GTF2IRD2B: variants seen among roughly 807,000 people sequenced by gnomAD.
GTF2IRD2B encodes GTF2I repeat domain containing 2B, also known as general transcription factor II-I repeat domain-containing protein 2B.
Under a neutral mutation model 55.6 loss-of-function variants are expected in GTF2IRD2B, and 10 were observed. The observed-to-expected ratio is 0.18, with a 90% CI of 0.11 to 0.31. The LOEUF (loss-of-function observed/expected upper bound fraction) is 0.31. Ranked by LOEUF, GTF2IRD2B falls within the 10% of genes least tolerant of loss-of-function variation. GTF2IRD2B has a pLI of 1.00. For missense variants in GTF2IRD2B, 206 were observed against 802.7 expected (o/e 0.26, Z 8.98); for synonymous variants, 107 against 320.5 (o/e 0.33, Z 7.12).
intron 1 of GTF2IRD2B, among the ~76,000 whole-genome samples, chr7:75,102,340 C>T (rs2115680826): frequency 6.6e-6 from 1 of 150,822 alleles, no homozygotes; most frequent in South Asian, 2.1e-4. Context: ...ACTCTGAAAC[C>T]TTTTACCCTT....
Position 75,112,473 on chromosome 7 carries a change from C to A in GTF2IRD2B, c.176C>A (p.Thr59Asn), listed in dbSNP as rs1808002510. 1 of 717,216 alleles carries A rather than the reference C, an allele frequency of 1.4e-6. No individual in the cohort carries two copies. Among genetic ancestry groups the A allele is most frequent in the Non-Finnish European group, 2.2e-6 (1 of 447,282 alleles). 44.4% of individuals were successfully genotyped at this position (717,216 alleles called of 1,614,324 possible). Residue 59 changes from threonine (T) to asparagine (N), a missense_variant, in exon 3 of 16, where the codon ACC becomes AAC. By Grantham distance (65) the Thr-to-Asn change is moderately conservative. Transcript: ENST00000472837. The stretch of plus-strand genomic sequence containing the variant: ...GAAACAGACGTGTTTGTCGTCGGAA[C>A]CGAGAGAGGATGCGCTTTTGTTAAT... ...VYETDVFVVGTERGCAFVNAR... is the reference protein window; with the variant it reads ...VYETDVFVVGNERGCAFVNAR...
intron 1 of GTF2IRD2B, among the ~76,000 whole-genome samples, chr7:75,105,433 G>C (rs1479187009): frequency 1.3e-5 from 2 of 152,310 alleles, no homozygotes; most frequent in Non-Finnish European, 2.9e-5. Flanking sequence ...GAACCCAGGA[G>C]GCAGAGTTTG....
chr7:75,104,909 T>C lies in GTF2IRD2B; in HGVS notation c.-5-4051T>C, dbSNP rs1230117984. On this transcript the variant is annotated intron_variant, in intron 1 of 15. Transcript: ENST00000472837. ...ACAGAGTCTTTGCTATGAAAAACAA[T>C]ACCGGCTGGGCGCGGTGGCTCACAC... 1.1e-4 allele frequency among the ~76,000 whole-genome samples: 17 copies of C among 152,378 alleles called. No individual in the cohort carries two copies. In the East Asian group the frequency reaches 3.1e-3, roughly 28 times the overall value.
At chr7:75,136,324 A>G (rs1808836322) in intron 10 of GTF2IRD2B, among the ~76,000 whole-genome samples, 1 of 148,440 alleles carries the variant, frequency 6.7e-6, no homozygotes, top group African/African-American at 2.5e-5. Flanking sequence ...TTTGAGACAG[A>G]ATCTCACCCT....
chr7:75,111,982 A>G (rs587755857), intron 2 of GTF2IRD2B, among the ~76,000 whole-genome samples: 4 of 3,194 alleles, frequency 1.3e-3, no homozygotes, highest in African/African-American at 2.3e-3. Context: ...AGTGGCTCAC[A>G]CCTGTAATCC....
chr7:75,099,758 A>AAATAAATG (rs1347442383), intron 1 of GTF2IRD2B, among the ~76,000 whole-genome samples: 1 of 140,246 alleles, frequency 7.1e-6, no homozygotes, highest in Non-Finnish European at 1.6e-5. Flanking sequence ...ATAAATAAAT[A>AAATAAATG]AATAAATAAA....
chr7:75,104,019 A>G (rs1807675324), intron 1 of GTF2IRD2B, among the ~76,000 whole-genome samples: 2 of 149,974 alleles, frequency 1.3e-5, no homozygotes, highest in African/African-American at 4.9e-5. Flanking sequence ...GAGATCATGC[A>G]CTCCAGTCTG....
rs1314415410 is a variant in GTF2IRD2B, at chr7:75,093,875, TG to T, written c.-6+1113del. On this transcript the variant is annotated intron_variant, in intron 1 of 15. Transcript: ENST00000472837. Reference sequence around the variant, plus strand: ...GGTGTATACCAAGGACTGGAATTGATGGGCCAAGCTTTGTGTTTTAAGGAAA... The same window carrying T: ...GGTGTATACCAAGGACTGGAATTGATGGCCAAGCTTTGTGTTTTAAGGAAA... 2.7e-4 allele frequency: 37 copies of T among 137,204 alleles called. No homozygotes were observed. In the South Asian group the frequency reaches 9.4e-3, roughly 35 times the overall value. 8.5% of individuals were successfully genotyped at this position (137,204 alleles called of 1,614,324 possible).
At chr7:75,124,010 C>G (rs587727118) in intron 6 of GTF2IRD2B, 17 of 167,832 alleles carry the variant, frequency 1.0e-4, no homozygotes, top group Admixed American at 1.6e-4. Context: ...TATCCCCCCC[C>G]CTTTTTTTTT....
At chr7:75,105,216 A>AC in intron 1 of GTF2IRD2B, among the ~76,000 whole-genome samples, 1 of 152,298 alleles carries the variant, frequency 6.6e-6, no homozygotes, top group African/African-American at 2.4e-5. Flanking sequence ...CAAAAAAAAA[A>AC]CAACAGACCA....
chr7:75,114,626 C>T (rs1262703633), intron 3 of GTF2IRD2B, among the ~76,000 whole-genome samples: 6 of 151,896 alleles, frequency 4.0e-5, no homozygotes, highest in Non-Finnish European at 7.4e-5. Flanking sequence ...GTTCCCATCC[C>T]CATCTTTATG....
Position 75,123,333 on chromosome 7 carries a change from C to T in GTF2IRD2B, c.542+14C>T, listed in dbSNP as rs1554452178. 3 of 837,664 alleles carry T rather than the reference C, an allele frequency of 3.6e-6. No homozygotes were observed. Among genetic ancestry groups the T allele is most frequent in the East Asian group, 2.7e-5 (1 of 37,440 alleles). 51.9% of individuals were successfully genotyped at this position (837,664 alleles called of 1,614,324 possible). ...CATCATAAATAGGTGACACACTCTG[C>T]ACCCCCGCCCCTTCAGTTCATTTAA... On this transcript the variant is annotated intron_variant, in intron 5 of 15. Transcript: ENST00000472837.
rs1234969205 is a variant in GTF2IRD2B, at chr7:75,123,734, C to T, written c.571+218C>T. 74 of 647,230 alleles carry T rather than the reference C, an allele frequency of 1.1e-4. 1 individual carries two copies. The highest frequency in any genetic ancestry group is 5.7e-4 in the African/African-American group (32 of 56,052). The allele number at this position is 647,230 out of a possible 1,614,324, so 40.1% of individuals were successfully genotyped here. On this transcript the variant is annotated intron_variant, in intron 6 of 15. Coordinates refer to ENST00000472837, the MANE Select transcript of GTF2IRD2B (RefSeq NM_001003795.3). ...ACTAAAAATACGAAAAAAAATTAGCCGGGCGTGGTGGCGGGCGCCTGTAGT... is the reference window on the plus strand; with the variant it reads ...ACTAAAAATACGAAAAAAAATTAGCTGGGCGTGGTGGCGGGCGCCTGTAGT...
chr7:75,120,119 ACT>A (rs1271417825), intron 3 of GTF2IRD2B, among the ~76,000 whole-genome samples: 2 of 118,798 alleles, frequency 1.7e-5, no homozygotes, highest in African/African-American at 8.6e-5. Flanking sequence ...TCACAGCGAG[ACT>A]CTGTCTCAAA....
At chr7:75,118,872 T>A (rs1374692208) in intron 3 of GTF2IRD2B, among the ~76,000 whole-genome samples, 4 of 146,740 alleles carry the variant, frequency 2.7e-5, no homozygotes, top group African/African-American at 1.0e-4. Context: ...ATGTGGTACG[T>A]ACACTATGGG....
At chr7:75,132,633 C>T (rs1808703195) in intron 8 of GTF2IRD2B, among the ~76,000 whole-genome samples, 1 of 121,130 alleles carries the variant, frequency 8.3e-6, no homozygotes, top group Non-Finnish European at 1.6e-5. Flanking sequence ...CAGCTCACTG[C>T]AACCTCCACC....
At chr7:75,104,812 T>C (rs1807720520) in intron 1 of GTF2IRD2B, among the ~76,000 whole-genome samples, 2 of 152,398 alleles carry the variant, frequency 1.3e-5, no homozygotes, top group South Asian at 2.1e-4. Context: ...CCGCTTTTGC[T>C]ACTCTTCATC....
At chr7:75,137,233 G>C (rs1253373440) in intron 11 of GTF2IRD2B, among the ~76,000 whole-genome samples, 8 of 151,004 alleles carry the variant, frequency 5.3e-5, no homozygotes, top group Admixed American at 4.6e-4. Flanking sequence ...GTGGGGAAGA[G>C]ATTGAAATCT....
rs868926807 is a variant in GTF2IRD2B at position 75,092,663 on chromosome 7, C to T, written c.-108C>T. 9,715 of 150,752 alleles carry T rather than the reference C, an allele frequency of 0.064. 2 individuals carry two copies. The highest frequency in any genetic ancestry group is 0.23 in the African/African-American group (9,049 of 38,940). The allele number at this position is 150,752 out of a possible 1,614,324, so 9.3% of individuals were successfully genotyped here. A position where few individuals can be genotyped will look rare whatever the true frequency, so the allele number is the denominator to read the frequency against. ...CCCACACGCCCCGAAGCGTGCTCGT[C>T]CCCCGCGCGGGGCTCCCGGCCGCCG... On this transcript the variant is annotated 5_prime_UTR_variant, in exon 1 of 16. Transcript: ENST00000472837.
Sources: allele counts gnomAD v4.1 joint callset (sites outside exome capture counted in the v4.1 genomes callset), GRCh38; gene constraint gnomAD v4.1.1; transcripts MANE v1.5; gene names NCBI Gene and HGNC (gene_info 2026-07-23, HGNC 2026-07-21).